Variants in RALYL observed in about 807,000 individuals in gnomAD.
The protein encoded by RALYL is RALY RNA binding protein like, also known as RNA-binding Raly-like protein.
RALYL carries 29 observed loss-of-function variants against 35.1 expected under a neutral mutation model. That is an observed-to-expected ratio of 0.83 (90% CI 0.61 to 1.13). The LOEUF is 1.13. RALYL is among the 50% of genes most tolerant of loss of function. The pLI is 0.00. For missense variants in RALYL, 359 were observed against 360.4 expected (o/e 1.00, Z 0.03); for synonymous variants, 120 against 127.6 (o/e 0.94, Z 0.40).
intron 2 of RALYL, among the ~76,000 whole-genome samples, chr8:84,544,909 G>T (rs185338001): frequency 2.3e-4 from 35 of 151,742 alleles, no homozygotes; most frequent in Admixed American, 2.3e-3. Flanking sequence ...GTTTTAATTT[G>T]TATTTCTCTT....
At chr8:84,635,651 T>G (rs1189661841) in intron 2 of RALYL, among the ~76,000 whole-genome samples, 3 of 151,808 alleles carry the variant, frequency 2.0e-5, no homozygotes, top group Admixed American at 1.3e-4. Flanking sequence ...CATCTTGCCC[T>G]TGGATATAAA....
At chr8:84,602,297 TAA>T (rs1442625106) in intron 2 of RALYL, among the ~76,000 whole-genome samples, 1 of 152,180 alleles carries the variant, frequency 6.6e-6, no homozygotes, top group East Asian at 1.9e-4. Context: ...CAGAAATCTA[TAA>T]GTCATTTTGG....
Position 84,608,476 on chromosome 8 carries a change from G to T in RALYL, c.256+78899G>T, listed in dbSNP as rs138987030. Among the ~76,000 whole-genome samples the T allele has an allele frequency of 4.2e-3, 644 of 152,178 alleles. 2 individuals are homozygous for T. The highest frequency in any genetic ancestry group is 6.0e-3 in the Non-Finnish European group (408 of 68,006). ...GTCAGCTTTTTCTATATTTCTGAAG[G>T]CCCTGTTGTTCCTTGAGCCTGGACT... On this transcript the variant is annotated intron_variant, in intron 2 of 8. Transcript: ENST00000521268.
intron 2 of RALYL, among the ~76,000 whole-genome samples, chr8:84,726,742 C>T (rs968960522): frequency 6.6e-6 from 1 of 151,840 alleles, no homozygotes; most frequent in Non-Finnish European, 1.5e-5. Context: ...GGCTCCAGCC[C>T]AAGTATTCTC....
At chr8:84,346,133 G>A (rs1849785600) in intron 1 of RALYL, 2 of 890,556 alleles carry the variant, frequency 2.2e-6, no homozygotes, top group African/African-American at 1.8e-5. Flanking sequence ...AGCCCTTGGC[G>A]AGGTGCCTGG....
intron 1 of RALYL, among the ~76,000 whole-genome samples, chr8:84,337,263 T>C (rs1847968530): frequency 6.6e-6 from 1 of 152,058 alleles, no homozygotes; most frequent in African/African-American, 2.4e-5. Context: ...TCTCACATTG[T>C]CGTCACTATA....
chr8:84,297,988 A>G (rs1840080993), intron 1 of RALYL, among the ~76,000 whole-genome samples: 1 of 151,940 alleles, frequency 6.6e-6, no homozygotes, highest in African/African-American at 2.4e-5. Context: ...GCAGGTTGTC[A>G]GCTTATTCTG....
intron 6 of RALYL, among the ~76,000 whole-genome samples, chr8:84,869,397 AAAAT>A: frequency 6.6e-6 from 1 of 152,132 alleles, no homozygotes; most frequent in South Asian, 2.1e-4. Context: ...ATGGCTGGGG[AAAAT>A]AAATAACAAA....
intron 1 of RALYL, among the ~76,000 whole-genome samples, chr8:84,527,778 A>G (rs2059006639): frequency 6.6e-6 from 1 of 152,186 alleles, no homozygotes; most frequent in African/African-American, 2.4e-5. Context: ...ATCTGAATCA[A>G]TACAAGGCAG....
At chr8:84,424,873 G>A (rs1358520435) in intron 1 of RALYL, among the ~76,000 whole-genome samples, 1 of 151,768 alleles carries the variant, frequency 6.6e-6, no homozygotes, top group African/African-American at 2.4e-5. Context: ...GGGGTCAGGG[G>A]TCAGGGACCC....
intron 1 of RALYL, among the ~76,000 whole-genome samples, chr8:84,360,191 G>A (rs1852693481): frequency 6.6e-6 from 1 of 152,142 alleles, no homozygotes; most frequent in East Asian, 1.9e-4. Flanking sequence ...ATTTCTTGCT[G>A]TGGAGCACAA....
chr8:84,587,949 G>C (rs554987420), intron 2 of RALYL, among the ~76,000 whole-genome samples: 2 of 152,284 alleles, frequency 1.3e-5, no homozygotes, highest in African/African-American at 4.8e-5. Context: ...GCAGAGTGCT[G>C]TGGAAGTAGA....
At chr8:84,856,492 A>C (rs1837010789) in intron 5 of RALYL, among the ~76,000 whole-genome samples, 1 of 152,240 alleles carries the variant, frequency 6.6e-6, no homozygotes, top group Non-Finnish European at 1.5e-5. Context: ...AGCATGTTCA[A>C]GAAGTATTTC....
At chr8:84,444,436 G>A (rs965197859) in intron 1 of RALYL, among the ~76,000 whole-genome samples, 3 of 152,042 alleles carry the variant, frequency 2.0e-5, no homozygotes, top group Non-Finnish European at 2.9e-5. Context: ...GTATCTGAAC[G>A]AGAAAAAACA....
intron 2 of RALYL, among the ~76,000 whole-genome samples, chr8:84,572,177 T>C (rs1272177877): frequency 1.3e-5 from 2 of 151,858 alleles, no homozygotes; most frequent in Non-Finnish European, 2.9e-5. Context: ...TAGGTGGGTC[T>C]CTTGTATGCA....
rs541222467 is a variant in RALYL at position 84,417,953 on chromosome 8, C to A, written c.-23-111346C>A. ...TCTTCTTTCTTTTTCAGTAAAAGCACCTACTTGAAGACATAGAGATCTTTT... is the reference window on the plus strand; with the variant it reads ...TCTTCTTTCTTTTTCAGTAAAAGCAACTACTTGAAGACATAGAGATCTTTT... On this transcript the variant is annotated intron_variant, in intron 1 of 8. Coordinates refer to ENST00000521268, the MANE Select transcript of RALYL (RefSeq NM_173848.7). 1.7e-4 allele frequency among the ~76,000 whole-genome samples: 26 copies of A among 152,232 alleles called. No individual in the cohort carries two copies. The South Asian group carries it at 4.8e-3, about 28-fold the overall frequency.
chr8:84,816,797 G>A (rs1827408906), intron 4 of RALYL, among the ~76,000 whole-genome samples: 1 of 152,068 alleles, frequency 6.6e-6, no homozygotes, highest in Admixed American at 6.5e-5. Context: ...AAGCGTAAAT[G>A]CTTGGGAGAA....
chr8:84,322,456 A>T (rs1435245972), intron 1 of RALYL, among the ~76,000 whole-genome samples: 1 of 152,138 alleles, frequency 6.6e-6, no homozygotes, highest in Admixed American at 6.5e-5. Flanking sequence ...TGTTCCCAGC[A>T]CATTATATAC....
intron 1 of RALYL, among the ~76,000 whole-genome samples, chr8:84,278,472 A>G (rs1835866361): frequency 6.6e-6 from 1 of 152,200 alleles, no homozygotes; most frequent in Non-Finnish European, 1.5e-5. Context: ...TTCCTCGTTA[A>G]TTATGCAAAT....
Sources: allele counts gnomAD v4.1 joint callset (sites outside exome capture counted in the v4.1 genomes callset), GRCh38; gene constraint gnomAD v4.1.1; transcripts MANE v1.5; gene names NCBI Gene and HGNC (gene_info 2026-07-23, HGNC 2026-07-21).